The following LRR1 variants were observed in gnomAD, a reference collection of about 807,000 sequenced individuals.
The protein encoded by LRR1 is leucine rich repeat protein 1, also known as leucine-rich repeat protein 1.
LRR1 carries 29 observed loss-of-function variants against 31.6 expected under a neutral mutation model. That is an observed-to-expected ratio of 0.92 (90% confidence interval 0.68 to 1.25). LRR1 has a LOEUF of 1.25. Among genes scored for constraint, LRR1 ranks in the 50% most tolerant of loss-of-function variants. The pLI, the probability that LRR1 is intolerant of heterozygous loss-of-function variation, is 0.00. For missense variants in LRR1, 485 were observed against 487.2 expected, an observed-to-expected ratio of 1.00 and a Z score of 0.04; for synonymous variants, 179 against 181.4, an observed-to-expected ratio of 0.99 and a Z score of 0.10.
chr14:49,604,131 T>G (rs1327970071), intron 2 of LRR1, among the ~76,000 whole-genome samples: 1 of 149,182 alleles, frequency 6.7e-6, no homozygotes, highest in East Asian at 2.0e-4. Flanking sequence ...GGTGAAACCC[T>G]GTCTCCACAA....
intron 3 of LRR1, chr14:49,612,553 A>C (rs1210780324): frequency 1.6e-6 from 2 of 1,218,252 alleles, no homozygotes; most frequent in East Asian, 6.0e-5. Context: ...TTACTTAAGC[A>C]ACAGATTAAT....
chr14:49,601,593 G>GTA (rs1882054110), intron 1 of LRR1: 1 of 1,285,692 alleles, frequency 7.8e-7, no homozygotes, highest in Non-Finnish European at 1.0e-6. Context: ...CATGGAGTTT[G>GTA]TATATAACCT....
At chr14:49,607,379 C>T in intron 2 of LRR1, 21 bp from the exon 3 acceptor site, 2 of 1,525,910 alleles carry the variant, frequency 1.3e-6, no homozygotes, top group Non-Finnish European at 1.8e-6. Context: ...ATTTATAATT[C>T]TACAACTTTT....
At position 49,599,070 on chromosome 14, in the gene LRR1, T is replaced by A. The variant is rs761784674; in HGVS notation, c.50T>A (p.Leu17Ter). ...VEVISRHLPALGLRNRGKGVR... is the reference protein window; with the variant it reads ...VEVISRHLPA ...GTGATCAGCCGGCACTTGCCCGCCT[T>A]GGGGCTTAGGAACCGGGGCAAGGGC... The change falls in exon 1 of 4, where the codon TTG becomes TAG. Residue 17 changes from leucine to a stop codon, truncating the protein, a stop_gained. Coordinates refer to ENST00000298288, the MANE Select transcript of LRR1 (RefSeq NM_152329.4). LOFTEE classifies it high-confidence loss of function. 5.0e-6 allele frequency: 8 copies of A among 1,609,706 alleles called. No homozygotes were observed. The highest frequency in any genetic ancestry group is 6.8e-6 in the Non-Finnish European group (8 of 1,178,234).
chr14:49,600,138 A>G lies in LRR1; in HGVS notation c.183+935A>G, dbSNP rs1881995219. 4 of 1,549,790 alleles carry G rather than the reference A, an allele frequency of 2.6e-6. No homozygotes were observed. The Admixed American group carries it at 5.0e-5, about 19-fold the overall frequency. ...CACCGTCTTCGACCACTACACAGTC[A>G]GCGTCACCGTGGGGGGCAAGCAGTA... On this transcript the variant is annotated intron_variant, in intron 1 of 3. Transcript: ENST00000298288.
chr14:49,602,297 A>T (rs767500816), intron 1 of LRR1, 73 bp from the exon 2 acceptor site: 1 of 1,316,884 alleles, frequency 7.6e-7, no homozygotes, highest in Non-Finnish European at 1.1e-6. Context: ...TAACTGGCAC[A>T]TTCTAGTTGT....
intron 1 of LRR1, chr14:49,600,698 G>A: frequency 8.7e-7 from 1 of 1,151,502 alleles, no homozygotes; most frequent in Non-Finnish European, 1.2e-6. Context: ...CCTTTTATAG[G>A]TAATGAAGCA....
chr14:49,608,406 A>ATTTTTTTTTTTTTTTT (rs71408651), intron 3 of LRR1, among the ~76,000 whole-genome samples: 20 of 21,098 alleles, frequency 9.5e-4, no homozygotes, highest in Admixed American at 2.3e-3. Flanking sequence ...ACATTGCTTG[A>ATTTTTTTTTTTTTTTT]TTTTTTTTTT....
chr14:49,600,217 C>T, intron 1 of LRR1: 3 of 1,486,888 alleles, frequency 2.0e-6, no homozygotes, highest in Non-Finnish European at 1.9e-6. Context: ...CATCTGAGGC[C>T]TTTATCTTAC....
chr14:49,610,018 C>T (rs1882453769), intron 3 of LRR1, among the ~76,000 whole-genome samples: 1 of 151,600 alleles, frequency 6.6e-6, no homozygotes, highest in Non-Finnish European at 1.5e-5. Context: ...GGATTACAGG[C>T]GTGAGCCACC....
At chr14:49,600,435 G>A (rs946432808) in intron 1 of LRR1, 94 of 1,601,152 alleles carry the variant, frequency 5.9e-5, no homozygotes, top group Admixed American at 2.0e-4. Context: ...TGTGGAACAA[G>A]GACAGAAACT....
chr14:49,608,879 A>G (rs1474105083), intron 3 of LRR1, among the ~76,000 whole-genome samples: 2 of 140,690 alleles, frequency 1.4e-5, no homozygotes, highest in Non-Finnish European at 3.1e-5. Flanking sequence ...TGGCTTCACC[A>G]CTTTGTATGA....
In LRR1 at chr14:49,608,406, A is replaced by ATTTTTTTTTTTTTTTTTTT. The variant is rs71408651; in HGVS notation, c.1004+308_1004+326dup. ...ATTCCTTCCCTCCTTACATTGCTTGATTTTTTTTTTTTTTTTTTTTTTTTT... is the reference window on the plus strand; with the variant it reads ...ATTCCTTCCCTCCTTACATTGCTTGATTTTTTTTTTTTTTTTTTTTTTTTTTTTTTTTTTTTTTTTTTTT... On this transcript the variant is annotated intron_variant, in intron 3 of 3. Coordinates refer to ENST00000298288, the MANE Select transcript of LRR1 (RefSeq NM_152329.4). Among the ~76,000 whole-genome samples the ATTTTTTTTTTTTTTTTTTT allele has an allele frequency of 5.2e-4, 11 of 21,096 alleles. 1 individual carries two copies. The highest frequency in any genetic ancestry group is 5.8e-4 in the Non-Finnish European group (7 of 12,158). 13.8% of individuals were successfully genotyped at this position (21,096 alleles called of 152,430 possible). A position where few individuals can be genotyped will look rare whatever the true frequency, so the allele number is the denominator to read the frequency against.
chr14:49,602,695 T>TA (rs937750388), intron 2 of LRR1, among the ~76,000 whole-genome samples: 66 of 152,244 alleles, frequency 4.3e-4, no homozygotes, highest in African/African-American at 1.5e-3. Context: ...GGAGTCTTGA[T>TA]ATGATGTTGC....
chr14:49,605,789 T>TATCCCAA (rs1386794781), intron 2 of LRR1, among the ~76,000 whole-genome samples: 1 of 152,204 alleles, frequency 6.6e-6, no homozygotes, highest in Non-Finnish European at 1.5e-5. Context: ...CCCAAGTCTG[T>TATCCCAA]GAACCAGTAT....
chr14:49,612,341 A>G, intron 3 of LRR1: 3 of 443,182 alleles, frequency 6.8e-6, no homozygotes, highest in Non-Finnish European at 9.3e-6. Context: ...CCTATTATCT[A>G]GCTGTTGATA....
chr14:49,600,424 G>A, intron 1 of LRR1: 1 of 1,603,584 alleles, frequency 6.2e-7, no homozygotes, highest in Non-Finnish European at 8.5e-7. Flanking sequence ...AAACCTATAT[G>A]TGTGGAACAA....
intron 3 of LRR1, among the ~76,000 whole-genome samples, chr14:49,612,844 G>A (rs773959809): frequency 2.0e-5 from 3 of 152,130 alleles, no homozygotes; most frequent in Non-Finnish European, 2.9e-5. Context: ...TTAGCGGGGA[G>A]GTTTGGGCAG....
chr14:49,607,870 TAAG>T lies in LRR1; in HGVS notation c.756_758del (p.Lys252del). On this transcript the variant is annotated inframe_deletion, in exon 3 of 4. Coordinates refer to ENST00000298288, the MANE Select transcript of LRR1 (RefSeq NM_152329.4). Reference sequence around the variant, plus strand: ...TGCAGTTTTGCCAGCTCCAGGAACTTAAGAATTTAAAACTTGACGATAATGAAT... The same window carrying T: ...TGCAGTTTTGCCAGCTCCAGGAACTTAATTTAAAACTTGACGATAATGAAT... The T allele has an allele frequency of 1.2e-6, 2 of 1,613,384 alleles. No homozygotes were observed. The highest frequency in any genetic ancestry group is 2.2e-5 in the East Asian group (1 of 44,868).
Sources: gnomAD v4.1 joint callset for allele counts (sites outside exome capture counted in the v4.1 genomes callset) on GRCh38, gnomAD v4.1.1 for gene constraint, MANE v1.5 for transcripts, NCBI Gene and HGNC (gene_info 2026-07-23, HGNC 2026-07-21) for gene names.